TMEM64: variants seen among roughly 807,000 people sequenced by gnomAD.
TMEM64 encodes the protein transmembrane protein 64.
In TMEM64, 19 loss-of-function variants were observed where a neutral mutation model predicts 24.5. That is an observed-to-expected ratio of 0.78 (90% CI 0.54 to 1.14). The LOEUF (loss-of-function observed/expected upper bound fraction) is 1.14, where lower values mean the gene tolerates loss of function less well. Ranked by LOEUF, TMEM64 falls within the 50% of genes most tolerant of loss-of-function variation. The pLI is 0.00. For synonymous variants in TMEM64, 262 were observed against 224.7 expected (o/e 1.17, Z -1.49); for missense variants, 487 against 493.0 (o/e 0.99, Z 0.12).
Position 90,645,038 on chromosome 8 carries a change from G to A in TMEM64, c.795+73C>T. The A allele has an allele frequency of 2.1e-6, 3 of 1,453,568 alleles. No homozygotes were observed. Among genetic ancestry groups the A allele is most frequent in the Non-Finnish European group, 2.8e-6 (3 of 1,071,588 alleles). The allele number at this position is 1,453,568 out of a possible 1,614,324, so 90.0% of individuals were successfully genotyped here. A position where few individuals can be genotyped will look rare whatever the true frequency, so the allele number is the denominator to read the frequency against. On this transcript the variant is annotated intron_variant, in intron 1 of 2. Coordinates refer to ENST00000458549, the MANE Select transcript of TMEM64 (RefSeq NM_001008495.4). The surrounding 1 kb of genome is among the most constrained non-coding windows in gnomAD (Gnocchi z 4.2). Reference sequence around the variant, plus strand: ...TCTGCTGGTATTTATCTGATAGAGCGCCCTCCTAGGGCCGCCACAAGACCG... The same window carrying A: ...TCTGCTGGTATTTATCTGATAGAGCACCCTCCTAGGGCCGCCACAAGACCG...
At chr8:90,636,774 C>T (rs1244595347) in intron 1 of TMEM64, among the ~76,000 whole-genome samples, 1 of 152,130 alleles carries the variant, frequency 6.6e-6, no homozygotes, top group African/African-American at 2.4e-5. Context: ...CATTGGAATT[C>T]CTGCTTGCAG....
At chr8:90,636,308 T>G (rs1002095292) in intron 1 of TMEM64, among the ~76,000 whole-genome samples, 1 of 152,158 alleles carries the variant, frequency 6.6e-6, no homozygotes, top group South Asian at 2.1e-4. Context: ...CAGGCTAGAG[T>G]GCAATGGCAC....
At chr8:90,638,015 G>T (rs772134112) in intron 1 of TMEM64, among the ~76,000 whole-genome samples, 2 of 152,002 alleles carry the variant, frequency 1.3e-5, no homozygotes, top group South Asian at 4.1e-4. Context: ...CTTGTCAACC[G>T]CACCTTCTCT....
chr8:90,637,475 T>C (rs2130505909), intron 1 of TMEM64, among the ~76,000 whole-genome samples: 1 of 152,344 alleles, frequency 6.6e-6, no homozygotes, highest in South Asian at 2.1e-4. Context: ...GAATCTAGCA[T>C]TAATTTTGGC....
intron 1 of TMEM64, among the ~76,000 whole-genome samples, chr8:90,643,073 A>C (rs1316525156): frequency 6.6e-6 from 1 of 152,232 alleles, no homozygotes; most frequent in Non-Finnish European, 1.5e-5. Flanking sequence ...TAAGAGACAA[A>C]ATCAAAAGAA....
chr8:90,631,122 C>T (rs915240463), intron 2 of TMEM64, among the ~76,000 whole-genome samples: 2 of 152,116 alleles, frequency 1.3e-5, no homozygotes, highest in Admixed American at 6.5e-5. Context: ...AAGAAATTTA[C>T]ACTCTCAACA....
Position 90,645,178 on chromosome 8 carries a change from C to T in TMEM64, c.728G>A (p.Gly243Asp). The change falls in exon 1 of 3, where the codon GGC (glycine) becomes GAC (aspartate). Residue 243 changes from glycine (G) to aspartate (D), a missense_variant. By Grantham distance (94) the Gly-to-Asp change is moderately conservative. Transcript: ENST00000458549. The surrounding 1 kb of genome is among the most constrained non-coding windows in gnomAD (Gnocchi z 4.2). ...TCTGGCCAGCGCCACCACTTTCAGG[C>T]CGCTTCCTCCCTCCACTACGCGAAT... ...AVIRVVEGGS[G>D]LKVVALARLT... 6.2e-7 allele frequency: 1 copy of T among 1,614,156 alleles called. No homozygotes were observed. The highest frequency in any genetic ancestry group is 8.5e-7 in the Non-Finnish European group (1 of 1,180,002).
chr8:90,626,519 A>C (rs1439636386), intron 2 of TMEM64, among the ~76,000 whole-genome samples: 1 of 152,124 alleles, frequency 6.6e-6, no homozygotes, highest in East Asian at 1.9e-4. Flanking sequence ...ATTGAAAGTC[A>C]GGTTTCTAGT....
intron 2 of TMEM64, among the ~76,000 whole-genome samples, chr8:90,627,971 G>C (rs1483161666): frequency 6.6e-6 from 1 of 152,172 alleles, no homozygotes; most frequent in Non-Finnish European, 1.5e-5. Flanking sequence ...TTTGAGGGAA[G>C]GAAGTGGCAG....
rs1325581461 is a variant in TMEM64 at position 90,625,472 on chromosome 8, G to A, written c.*199C>T. Reference sequence around the variant, plus strand: ...AATACAGGCATGATAAAGAGGTGCAGCCAAATTTGCATCTACATTTACACT... The same window carrying A: ...AATACAGGCATGATAAAGAGGTGCAACCAAATTTGCATCTACATTTACACT... On this transcript the variant is annotated 3_prime_UTR_variant, in exon 3 of 3. Transcript: ENST00000458549. 1.0e-5 allele frequency: 5 copies of A among 499,468 alleles called. No individual in the cohort carries two copies. The highest frequency in any genetic ancestry group is 1.9e-5 in the African/African-American group (1 of 52,664). The allele number at this position is 499,468 out of a possible 1,614,324, so 30.9% of individuals were successfully genotyped here.
At chr8:90,638,881 C>T (rs1809561161) in intron 1 of TMEM64, among the ~76,000 whole-genome samples, 1 of 152,144 alleles carries the variant, frequency 6.6e-6, no homozygotes, top group South Asian at 2.1e-4. Flanking sequence ...AATGCTATTT[C>T]TCCACTGGAA....
intron 1 of TMEM64, among the ~76,000 whole-genome samples, chr8:90,641,714 T>A (rs151161053): frequency 9.7e-4 from 147 of 152,328 alleles, no homozygotes; most frequent in African/African-American, 3.4e-3. Flanking sequence ...AGGGCTGAAA[T>A]GAACAGTAAA....
chr8:90,642,987 C>T (rs1175801474), intron 1 of TMEM64, among the ~76,000 whole-genome samples: 1 of 152,150 alleles, frequency 6.6e-6, no homozygotes, highest in Middle Eastern at 3.2e-3. Flanking sequence ...CCTTGTCAAG[C>T]TCAGTTTCAA....
At position 90,622,855 on chromosome 8, in the gene TMEM64, A is replaced by G. The variant is rs1809301585; in HGVS notation, c.*2816T>C. On this transcript the variant is annotated 3_prime_UTR_variant, in exon 3 of 3. Coordinates refer to ENST00000458549, the MANE Select transcript of TMEM64 (RefSeq NM_001008495.4). ...GCTGGCTCTGAATAAACCCACAGTC[A>G]CTTCTGAACATAAAGTACACATTCT... The G allele has an allele frequency of 1.3e-5, 2 of 152,194 alleles. No individual in the cohort carries two copies. The highest frequency in any genetic ancestry group is 1.3e-4 in the Admixed American group (2 of 15,270). The allele number at this position is 152,194 out of a possible 1,614,324, so 9.4% of individuals were successfully genotyped here.
At chr8:90,627,311 C>A (rs1809374866) in intron 2 of TMEM64, among the ~76,000 whole-genome samples, 1 of 152,040 alleles carries the variant, frequency 6.6e-6, no homozygotes, top group Non-Finnish European at 1.5e-5. Flanking sequence ...TCAGTAAAAT[C>A]GTAAATAAGT....
At chr8:90,634,282 TA>T (rs1456477880) in intron 1 of TMEM64, among the ~76,000 whole-genome samples, 5 of 152,174 alleles carry the variant, frequency 3.3e-5, no homozygotes, top group Admixed American at 3.3e-4. Flanking sequence ...TTACTTTATA[TA>T]AAAAGGGCTT....
intron 1 of TMEM64, among the ~76,000 whole-genome samples, chr8:90,634,956 T>A (rs1675941160): frequency 6.6e-6 from 1 of 152,204 alleles, no homozygotes; most frequent in Non-Finnish European, 1.5e-5. Context: ...GATAATGAAC[T>A]GGAGATGCAT....
At chr8:90,629,314 A>C (rs760104596) in intron 2 of TMEM64, among the ~76,000 whole-genome samples, 14 of 152,214 alleles carry the variant, frequency 9.2e-5, no homozygotes, top group Non-Finnish European at 1.5e-4. Flanking sequence ...ACTGAATAAA[A>C]GAAGATTCTA....
intron 1 of TMEM64, among the ~76,000 whole-genome samples, chr8:90,632,849 A>C (rs1384246699): frequency 6.6e-6 from 1 of 152,228 alleles, no homozygotes; most frequent in East Asian, 1.9e-4. Context: ...AAAAGGTGAA[A>C]ATTATCATTA....
Sources: gnomAD v4.1 joint callset for allele counts (sites outside exome capture counted in the v4.1 genomes callset) on GRCh38, gnomAD v4.1.1 for gene constraint, Gnocchi (gnomAD v3.1) non-coding constraint, MANE v1.5 for transcripts, NCBI Gene and HGNC (gene_info 2026-07-23, HGNC 2026-07-21) for gene names.